CEACAM8: variants seen among roughly 807,000 people sequenced by gnomAD.
The protein encoded by CEACAM8 is cell adhesion molecule CEACAM8.
A neutral mutation model predicts 33.4 loss-of-function variants in CEACAM8; 31 were observed. The ratio of observed to expected loss-of-function variants is 0.93; its 90% CI spans 0.70 to 1.25. CEACAM8 has a LOEUF of 1.25. CEACAM8 is among the 50% of genes most tolerant of loss of function. The pLI, the probability that CEACAM8 is intolerant of heterozygous loss-of-function variation, is 0.00. For synonymous variants in CEACAM8, 138 were observed against 164.5 expected (o/e 0.84, Z 1.23); for missense variants, 388 against 434.6 (o/e 0.89, Z 0.95).
intron 2 of CEACAM8, among the ~76,000 whole-genome samples, chr19:42,591,985 G>C (rs943735189): frequency 2.6e-5 from 4 of 152,188 alleles, no homozygotes; most frequent in African/African-American, 9.7e-5. Context: ...AGGGGGGTTA[G>C]GATCTTAGAG....
chr19:42,589,711 G>C lies in CEACAM8; in HGVS notation c.449C>G (p.Ser150Cys). Reference sequence around the variant, plus strand: ...CTCCACGGGGTTGGAGTTGTTGCTGGAGATGGAGGGCTTGGGAGTCTCCGC... The same window carrying C: ...CTCCACGGGGTTGGAGTTGTTGCTGCAGATGGAGGGCTTGGGAGTCTCCGC... The part of the protein sequence containing the change: ...VHPETPKPSI[S>C]SNNSNPVEDK... Residue 150 changes from serine to cysteine, a missense_variant, in exon 3 of 6, where the codon TCC (serine) becomes TGC (cysteine). Ser to Cys is a moderately radical substitution (Grantham distance 112). Transcript: ENST00000244336. 2 of 1,614,222 alleles carry C rather than the reference G, an allele frequency of 1.2e-6. No homozygotes were observed. The highest frequency in any genetic ancestry group is 1.7e-6 in the Non-Finnish European group (2 of 1,180,038).
intron 2 of CEACAM8, among the ~76,000 whole-genome samples, chr19:42,593,308 C>A (rs1309898389): frequency 2.6e-5 from 4 of 152,120 alleles, no homozygotes; most frequent in African/African-American, 4.8e-5. Context: ...TCTGCTGAGT[C>A]CCCCCATCAG....
intron 4 of CEACAM8, among the ~76,000 whole-genome samples, 191 bp downstream of exon 4, chr19:42,588,593 C>T (rs1267917955): frequency 6.6e-6 from 1 of 152,040 alleles, no homozygotes; most frequent in Non-Finnish European, 1.5e-5. Flanking sequence ...CCGAGGTCAG[C>T]CAAGAGAAAT....
chr19:42,588,798 A>C lies in CEACAM8; in HGVS notation c.944T>G (p.Met315Arg), dbSNP rs2042379098. The change falls in exon 4 of 6, where the codon ATG (methionine) becomes AGG (arginine). Residue 315 changes from methionine (M) to arginine (R), a missense_variant. Met to Arg is a moderately conservative substitution (Grantham distance 91). Coordinates refer to ENST00000244336, the MANE Select transcript of CEACAM8 (RefSeq NM_001816.4). ...ATGRNRTTVR[M>R]ITVSDALVQG... The stretch of plus-strand genomic sequence containing the variant: ...GATCCACTTACCAGAGACTGTGATC[A>C]TCCTGACTGTGGTCCTGTTGCGGCC... The C allele has an allele frequency of 6.2e-7, 1 of 1,614,050 alleles. No homozygotes were observed. The highest frequency in any genetic ancestry group is 1.3e-5 in the African/African-American group (1 of 74,920).
chr19:42,589,329 C>T (rs113720164), intron 3 of CEACAM8, 128 bp downstream of exon 3: 126 of 1,429,136 alleles, frequency 8.8e-5, no homozygotes, highest in East Asian at 4.1e-4. Flanking sequence ...AAAGTCATGA[C>T]GAGCTGGGTT....
chr19:42,591,252 G>A (rs893154006), intron 2 of CEACAM8, among the ~76,000 whole-genome samples: 2 of 152,206 alleles, frequency 1.3e-5, no homozygotes, highest in Non-Finnish European at 2.9e-5. Context: ...ATTGGTGGAA[G>A]GAGTATTTCT....
chr19:42,582,246 C>G (rs574096197), intron 5 of CEACAM8, among the ~76,000 whole-genome samples: 1 of 151,914 alleles, frequency 6.6e-6, no homozygotes, highest in South Asian at 2.1e-4. Context: ...GCTTGAGCAT[C>G]ATTTAAAAAA....
intron 1 of CEACAM8, 140 bp from the exon 2 acceptor site, chr19:42,594,040 C>T (rs1332972538): frequency 1.1e-6 from 1 of 887,084 alleles, no homozygotes; most frequent in Non-Finnish European, 1.7e-6. Flanking sequence ...AGCAGCACAG[C>T]CCCCATTTCT....
At chr19:42,585,639 A>G (rs1326197291) in intron 4 of CEACAM8, among the ~76,000 whole-genome samples, 2 of 152,246 alleles carry the variant, frequency 1.3e-5, no homozygotes, top group Non-Finnish European at 2.9e-5. Flanking sequence ...GGCTAACATC[A>G]TACTCAATAG....
At position 42,589,489 on chromosome 19, in the gene CEACAM8, T is replaced by C; in HGVS notation, c.671A>G (p.Asn224Ser). The C allele has an allele frequency of 6.2e-7, 1 of 1,614,106 alleles. No individual in the cohort carries two copies. The highest frequency in any genetic ancestry group is 8.5e-7 in the Non-Finnish European group (1 of 1,180,016). ...ECEIQNPASA[N>S]FSDPVTLNVL... is the part of the protein sequence containing the mutation. ...ATTCAGGGTGACTGGGTCACTGAAG[T>C]TTGCACTCGCTGGGTTCTGTATTTC... Residue 224 changes from asparagine (N) to serine (S), a missense_variant, in exon 3 of 6, where the codon AAC (asparagine) becomes AGC (serine). By Grantham distance (46) the Asn-to-Ser change is conservative. Transcript: ENST00000244336.
intron 1 of CEACAM8, 139 bp from the exon 2 acceptor site, chr19:42,594,039 G>T: frequency 1.1e-6 from 1 of 898,354 alleles, no homozygotes; most frequent in Non-Finnish European, 1.7e-6. Flanking sequence ...CAGCAGCACA[G>T]CCCCCATTTC....
chr19:42,593,929 A>C (rs2042496281), intron 1 of CEACAM8, 29 bp from the exon 2 acceptor site: 1 of 1,544,582 alleles, frequency 6.5e-7, no homozygotes, highest in African/African-American at 1.4e-5. Context: ...ATCAAGCAAT[A>C]TTGCAACATA....
intron 5 of CEACAM8, among the ~76,000 whole-genome samples, chr19:42,581,946 T>TATATAAAA (rs765190705): frequency 2.4e-5 from 2 of 84,076 alleles, no homozygotes; most frequent in African/African-American, 9.5e-5. Context: ...TATATATATA[T>TATATAAAA]AAAATAAGGT....
At chr19:42,583,428 T>A in intron 4 of CEACAM8, 91 bp from the exon 5 acceptor site, 1 of 792,956 alleles carries the variant, frequency 1.3e-6, no homozygotes, top group Non-Finnish European at 2.1e-6. Flanking sequence ...TGAAGTAGTC[T>A]CTACTTGTTT....
At chr19:42,594,687 G>GC in intron 1 of CEACAM8, 78 bp downstream of exon 1, 1 of 1,165,106 alleles carries the variant, frequency 8.6e-7, no homozygotes, top group South Asian at 1.2e-5. Flanking sequence ...CCCTCTCAGA[G>GC]CCCCGTCCTC....
Position 42,593,868 on chromosome 19 carries a change from T to C in CEACAM8, c.97A>G (p.Thr33Ala), listed in dbSNP as rs2042494623. The change falls in exon 2 of 6, where the codon ACT becomes GCT. Residue 33 changes from threonine (T) to alanine (A), a missense_variant. Coordinates refer to ENST00000244336, the MANE Select transcript of CEACAM8 (RefSeq NM_001816.4). ...SLFTFWNPPT[T>A]AQLTIEAVPS... ...ACAGCTTCAATAGTGAGCTGAGCAG[T>C]GGTGGGCGGGTTCCAGAAGGTGAAA... 6.2e-7 allele frequency: 1 copy of C among 1,601,004 alleles called. No individual in the cohort carries two copies. Among genetic ancestry groups the C allele is most frequent in the Non-Finnish European group, 8.5e-7 (1 of 1,171,738 alleles).
intron 5 of CEACAM8, 147 bp downstream of exon 5, chr19:42,583,059 C>A (rs948225778): frequency 2.9e-5 from 17 of 592,734 alleles, no homozygotes; most frequent in Non-Finnish European, 3.0e-6. Flanking sequence ...GCATGCAGAC[C>A]AGGGAAGAAG....
intron 1 of CEACAM8, among the ~76,000 whole-genome samples, 164 bp from the exon 2 acceptor site, chr19:42,594,064 C>G (rs1396208308): frequency 6.6e-6 from 1 of 152,128 alleles, no homozygotes; most frequent in Non-Finnish European, 1.5e-5. Flanking sequence ...ACACCTCTGA[C>G]CTTGGCATTT....
chr19:42,594,921 C>T lies in CEACAM8; in HGVS notation c.-93G>A. ...GCTGTCAGCTGTGCTGTCCTTCCTC[C>T]TTTTGTGCTGAGCCTCTTCCCGGGG... On this transcript the variant is annotated 5_prime_UTR_variant, in exon 1 of 6. Coordinates refer to ENST00000244336, the MANE Select transcript of CEACAM8 (RefSeq NM_001816.4). 7.1e-7 allele frequency: 1 copy of T among 1,417,032 alleles called. No homozygotes were observed. Among genetic ancestry groups the T allele is most frequent in the Non-Finnish European group, 9.6e-7 (1 of 1,044,492 alleles). 87.8% of individuals were successfully genotyped at this position (1,417,032 alleles called of 1,614,324 possible). A position where few individuals can be genotyped will look rare whatever the true frequency, so the allele number is the denominator to read the frequency against.
Sources: gnomAD v4.1 joint callset for allele counts (sites outside exome capture counted in the v4.1 genomes callset) on GRCh38, gnomAD v4.1.1 for gene constraint, MANE v1.5 for transcripts, NCBI Gene and HGNC (gene_info 2026-07-23, HGNC 2026-07-21) for gene names.